The following USH2A variants were observed in gnomAD, a reference collection of about 807,000 sequenced individuals.
The protein encoded by USH2A is Usher syndrome 2A (autosomal recessive, mild).
In USH2A, 443 loss-of-function variants were observed where a neutral mutation model predicts 538.9. The ratio of observed to expected loss-of-function variants is 0.82; its 90% CI spans 0.76 to 0.89. USH2A has a LOEUF of 0.89. USH2A is among the 40% of genes least tolerant of loss of function. USH2A has a pLI of 0.00. For missense variants in USH2A, 6,633 were observed against 6,324.8 expected (o/e 1.05, Z -1.65); for synonymous variants, 2,413 against 2,273.5 (o/e 1.06, Z -1.75).
At chr1:216,147,977 T>TGA (rs1553307562) in intron 21 of USH2A, among the ~76,000 whole-genome samples, 2 of 84,570 alleles carry the variant, frequency 2.4e-5, no homozygotes, top group African/African-American at 4.6e-5. Flanking sequence ...CCCAAGGCTC[T>TGA]CTGACTCCTT....
intron 9 of USH2A, among the ~76,000 whole-genome samples, chr1:216,306,405 T>C (rs897692622): frequency 1.3e-5 from 2 of 152,204 alleles, no homozygotes; most frequent in Admixed American, 1.3e-4. Flanking sequence ...GAGATTTTTC[T>C]GTTCATATCC....
At chr1:215,633,186 G>A (rs1039396115) in intron 70 of USH2A, among the ~76,000 whole-genome samples, 1 of 152,206 alleles carries the variant, frequency 6.6e-6, no homozygotes, top group African/African-American at 2.4e-5. Context: ...CACCCAAGGA[G>A]CAGCAGCAGT....
intron 37 of USH2A, among the ~76,000 whole-genome samples, chr1:215,957,939 T>A (rs1667108827): frequency 6.6e-6 from 1 of 152,130 alleles, no homozygotes; most frequent in African/African-American, 2.4e-5. Context: ...GCGTGTCAGA[T>A]ATACTGCATG....
At chr1:215,967,930 TTACAA>T (rs1667395066) in intron 36 of USH2A, among the ~76,000 whole-genome samples, 1 of 152,114 alleles carries the variant, frequency 6.6e-6, no homozygotes, top group Non-Finnish European at 1.5e-5. Flanking sequence ...CCAATGAATG[TTACAA>T]TACAAGACAC....
chr1:215,655,488 T>C lies in USH2A; in HGVS notation c.14134-4687A>G, dbSNP rs867496413. 5.3e-4 allele frequency among the ~76,000 whole-genome samples: 80 copies of C among 152,314 alleles called. No individual in the cohort carries two copies. The Middle Eastern group carries it at 0.01, about 19-fold the overall frequency. ...CTAGAAATTGCTGAGTCTATTTTTC[T>C]CTCAGTGCAGAGTAACATTATTCTA... On this transcript the variant is annotated intron_variant, in intron 64 of 71. Coordinates refer to ENST00000307340, the MANE Select transcript of USH2A (RefSeq NM_206933.4).
chr1:216,224,172 T>C (rs1212898438), intron 14 of USH2A, among the ~76,000 whole-genome samples: 1 of 152,144 alleles, frequency 6.6e-6, no homozygotes, highest in Non-Finnish European at 1.5e-5. Context: ...TGATGTGTGG[T>C]TGTTATGTAA....
At chr1:215,676,786 A>G (rs1007545956) in intron 62 of USH2A, among the ~76,000 whole-genome samples, 1 of 150,180 alleles carries the variant, frequency 6.7e-6, no homozygotes, top group African/African-American at 2.4e-5. Context: ...GTGACCCCCC[A>G]AGCACCCCTT....
chr1:216,145,378 T>A (rs2033676897), intron 21 of USH2A, among the ~76,000 whole-genome samples: 2 of 152,318 alleles, frequency 1.3e-5, no homozygotes, highest in South Asian at 4.1e-4. Flanking sequence ...GAAGGGGTAG[T>A]CATGTGCTAG....
intron 9 of USH2A, among the ~76,000 whole-genome samples, chr1:216,320,141 G>T (rs914062333): frequency 1.3e-5 from 2 of 152,094 alleles, no homozygotes; most frequent in Non-Finnish European, 2.9e-5. Flanking sequence ...GGTGAGCCTG[G>T]TGGGAGATGT....
intron 30 of USH2A, among the ~76,000 whole-genome samples, chr1:216,064,198 C>T (rs1418201983): frequency 2.0e-5 from 3 of 152,100 alleles, no homozygotes; most frequent in Non-Finnish European, 4.4e-5. Flanking sequence ...ATAATGATTT[C>T]TATTTACTCA....
intron 16 of USH2A, among the ~76,000 whole-genome samples, chr1:216,202,887 G>A (rs1478948220): frequency 6.6e-6 from 1 of 152,012 alleles, no homozygotes; most frequent in Non-Finnish European, 1.5e-5. Context: ...CACCTCCCAA[G>A]CCACCGTGTG....
chr1:216,188,719 A>G (rs2034657090), intron 20 of USH2A, among the ~76,000 whole-genome samples: 2 of 151,884 alleles, frequency 1.3e-5, no homozygotes, highest in East Asian at 3.9e-4. Context: ...TTAGATGAAC[A>G]CTTGGGGGAA....
At chr1:215,737,434 C>T (rs1167668817) in intron 60 of USH2A, among the ~76,000 whole-genome samples, 13 of 151,906 alleles carry the variant, frequency 8.6e-5, no homozygotes, top group Non-Finnish European at 2.9e-5. Flanking sequence ...GTCCTAGTCT[C>T]AATGACATCA....
At chr1:216,027,234 G>T (rs1668987689) in intron 32 of USH2A, among the ~76,000 whole-genome samples, 1 of 152,094 alleles carries the variant, frequency 6.6e-6, no homozygotes, top group South Asian at 2.1e-4. Flanking sequence ...TATAAGAAGA[G>T]AAAATTTGGA....
rs1359757480 is a variant in USH2A at position 216,422,556 on chromosome 1, G to A, written c.-204-16C>T. ...CTGCTGGTATCTGGGAATCAAAAACGTAGGGCGTCAAGGGAAAGCTGCTGC... is the reference window on the plus strand; with the variant it reads ...CTGCTGGTATCTGGGAATCAAAAACATAGGGCGTCAAGGGAAAGCTGCTGC... On this transcript the variant is annotated splice_polypyrimidine_tract_variant and intron_variant, in intron 1 of 71. Coordinates refer to ENST00000307340, the MANE Select transcript of USH2A (RefSeq NM_206933.4). 4 of 583,328 alleles carry A rather than the reference G, an allele frequency of 6.9e-6. No individual in the cohort carries two copies. Among genetic ancestry groups the A allele is most frequent in the African/African-American group, 1.9e-5 (1 of 53,122 alleles). 36.1% of individuals were successfully genotyped at this position (583,328 alleles called of 1,614,324 possible). A position where few individuals can be genotyped will look rare whatever the true frequency, so the allele number is the denominator to read the frequency against.
intron 5 of USH2A, 93 bp from the exon 6 acceptor site, chr1:216,325,692 G>T: frequency 8.4e-7 from 1 of 1,191,212 alleles, no homozygotes; most frequent in Non-Finnish European, 1.2e-6. Flanking sequence ...CTCGTTTAGT[G>T]CTTTCATGAG....
In USH2A at chr1:215,870,290, T is replaced by A. The variant is rs539973691; in HGVS notation, c.8682-3120A>T. ...CAAGATTTTTTTTTTATTTTTTATT[T>A]TTTTTTTATTTATTTATTTTTTTGA... On this transcript the variant is annotated intron_variant, in intron 43 of 71. Transcript: ENST00000307340. 2.0e-3 allele frequency among the ~76,000 whole-genome samples: 299 copies of A among 151,472 alleles called. 2 individuals are homozygous for A. Among genetic ancestry groups the A allele is most frequent in the Middle Eastern group, 0.014 (4 of 294 alleles).
chr1:216,012,072 C>T (rs1212715680), intron 32 of USH2A, among the ~76,000 whole-genome samples: 1 of 81,200 alleles, frequency 1.2e-5, no homozygotes, highest in Non-Finnish European at 2.6e-5. Flanking sequence ...CTGCAAGCTC[C>T]GCTTCCCGGG....
intron 35 of USH2A, among the ~76,000 whole-genome samples, chr1:215,988,618 C>T (rs6540925): frequency 0.13 from 19,675 of 152,172 alleles, 1,362 homozygotes; most frequent in Middle Eastern, 0.2. Context: ...TTAATATTCC[C>T]ACCAACAGTA....
Sources: gnomAD v4.1 joint callset for allele counts (sites outside exome capture counted in the v4.1 genomes callset) on GRCh38, gnomAD v4.1.1 for gene constraint, MANE v1.5 for transcripts, NCBI Gene and HGNC (gene_info 2026-07-23, HGNC 2026-07-21) for gene names.